Variants in ATRNL1 observed in about 807,000 individuals in gnomAD.
ATRNL1 encodes attractin like 1.
Under a neutral mutation model 182.7 loss-of-function variants are expected in ATRNL1, and 95 were observed. The observed-to-expected ratio is 0.52, with a 90% confidence interval of 0.44 to 0.62. The LOEUF is 0.62. Ranked by LOEUF, ATRNL1 falls within the 20% of genes least tolerant of loss-of-function variation. The pLI, the probability that ATRNL1 is intolerant of heterozygous loss-of-function variation, is 0.00. For synonymous variants in ATRNL1, 576 were observed against 568.3 expected, an observed-to-expected ratio of 1.01 and a Z score of -0.19; for missense variants, 1,471 against 1,679.5, an observed-to-expected ratio of 0.88 and a Z score of 2.17.
chr10:115,321,270 T>G (rs1240317451), intron 18 of ATRNL1, among the ~76,000 whole-genome samples: 3 of 152,164 alleles, frequency 2.0e-5, no homozygotes, highest in Non-Finnish European at 4.4e-5. Flanking sequence ...TGCCTGCGCC[T>G]TCTTCTGGGA....
At chr10:115,856,428 C>CAAAAAAAAATAAAAAAAAAA (rs1951184268) in intron 28 of ATRNL1, among the ~76,000 whole-genome samples, 1 of 22,536 alleles carries the variant, frequency 4.4e-5, no homozygotes, top group Non-Finnish European at 8.2e-5. Context: ...AGCTCCATCT[C>CAAAAAAAAATAAAAAAAAAA]AAAAAAAAAA....
At chr10:115,270,651 G>A (rs568994493) in intron 13 of ATRNL1, among the ~76,000 whole-genome samples, 2 of 152,012 alleles carry the variant, frequency 1.3e-5, no homozygotes, top group South Asian at 4.1e-4. Flanking sequence ...AAGGCAGAGA[G>A]AGGAAATTCT....
At chr10:115,389,158 G>A (rs923643008) in intron 19 of ATRNL1, among the ~76,000 whole-genome samples, 4 of 151,982 alleles carry the variant, frequency 2.6e-5, no homozygotes, top group African/African-American at 9.7e-5. Context: ...AGATCATGTA[G>A]TAGTTGTCTT....
At chr10:115,160,265 C>A in intron 6 of ATRNL1, 51 bp downstream of exon 6, 5 of 1,480,576 alleles carry the variant, frequency 3.4e-6, no homozygotes, top group South Asian at 1.3e-5. Flanking sequence ...GATTTTTATC[C>A]AAAATGTCTT....
chr10:115,300,272 T>A, intron 16 of ATRNL1, 25 bp downstream of exon 16: 1 of 1,579,424 alleles, frequency 6.3e-7, no homozygotes, highest in Non-Finnish European at 8.7e-7. Context: ...AAATTAGCAT[T>A]CCTTTAAAAG....
rs556442327 is a variant in ATRNL1 at position 115,368,156 on chromosome 10, G to T, written c.3176-26503G>T. ...CTGCCTTACAGTTTGATCTCAGACT[G>T]CTGTGCTAGCAATCAGCGAGACTCC... On this transcript the variant is annotated intron_variant, in intron 19 of 28. Transcript: ENST00000355044. Among the ~76,000 whole-genome samples the T allele has an allele frequency of 2.6e-5, 4 of 152,300 alleles. No individual in the cohort carries two copies. The East Asian group carries it at 7.7e-4, about 29-fold the overall frequency.
intron 28 of ATRNL1, among the ~76,000 whole-genome samples, chr10:115,858,561 G>A (rs1463617938): frequency 1.3e-5 from 2 of 152,154 alleles, no homozygotes; most frequent in African/African-American, 4.8e-5. Context: ...GTTGTGGAGA[G>A]AGCATTAGGA....
intron 18 of ATRNL1, among the ~76,000 whole-genome samples, chr10:115,319,797 G>A (rs1207525943): frequency 6.6e-6 from 1 of 151,522 alleles, no homozygotes; most frequent in Non-Finnish European, 1.5e-5. Flanking sequence ...TTGCCTATGA[G>A]ATGGGTCTCC....
intron 24 of ATRNL1, among the ~76,000 whole-genome samples, chr10:115,491,352 T>G (rs1162996751): frequency 2.0e-5 from 3 of 152,122 alleles, no homozygotes; most frequent in Non-Finnish European, 2.9e-5. Context: ...CAGCTGCCCC[T>G]TCCTGCAGGT....
chr10:115,426,037 A>G (rs1592639821), intron 20 of ATRNL1, among the ~76,000 whole-genome samples: 1 of 151,972 alleles, frequency 6.6e-6, no homozygotes, highest in South Asian at 2.1e-4. Context: ...TTTCTTCACT[A>G]TTTCATCTCT....
intron 28 of ATRNL1, among the ~76,000 whole-genome samples, chr10:115,897,595 A>T (rs577107779): frequency 6.6e-6 from 1 of 152,286 alleles, no homozygotes; most frequent in South Asian, 2.1e-4. Context: ...GAGTGATGGG[A>T]TCATAGAGAA....
intron 20 of ATRNL1, among the ~76,000 whole-genome samples, chr10:115,398,709 C>T (rs1167736520): frequency 6.6e-6 from 1 of 152,000 alleles, no homozygotes; most frequent in Non-Finnish European, 1.5e-5. Flanking sequence ...TTTCTTTTGC[C>T]TGACTGCCCT....
chr10:115,324,713 T>G (rs1854779523), intron 18 of ATRNL1, among the ~76,000 whole-genome samples: 1 of 152,212 alleles, frequency 6.6e-6, no homozygotes, highest in African/African-American at 2.4e-5. Flanking sequence ...TTAATACCTT[T>G]TTCATAGATA....
In ATRNL1 at chr10:115,542,971, T is replaced by C. The variant is rs914685826; in HGVS notation, c.3717-6487T>C. On this transcript the variant is annotated intron_variant, in intron 25 of 28. Transcript: ENST00000355044. The stretch of plus-strand genomic sequence containing the variant: ...AGATCAGAATCCCATGTTTATAAAC[T>C]TCATTTAAACCTAATTATGTCCTAA... Among the ~76,000 whole-genome samples the C allele has an allele frequency of 1.2e-4, 19 of 152,302 alleles. No individual in the cohort carries two copies. The East Asian group carries it at 1.4e-3, about 11-fold the overall frequency.
In ATRNL1 at chr10:115,386,959, C is replaced by G. The variant is rs529580673; in HGVS notation, c.3176-7700C>G. Among the ~76,000 whole-genome samples the G allele has an allele frequency of 2.0e-5, 3 of 151,862 alleles. No individual in the cohort carries two copies. In the South Asian group the frequency reaches 6.3e-4, roughly 32 times the overall value. On this transcript the variant is annotated intron_variant, in intron 19 of 28. Coordinates refer to ENST00000355044, the MANE Select transcript of ATRNL1 (RefSeq NM_207303.4). ...TATAAATCATGCTGCTATAAAGACA[C>G]ATGCACACGTATGTTTATTGCGGCA...
At chr10:115,704,978 C>G (rs1555052659) in intron 26 of ATRNL1, among the ~76,000 whole-genome samples, 1 of 151,798 alleles carries the variant, frequency 6.6e-6, no homozygotes, top group Non-Finnish European at 1.5e-5. Flanking sequence ...CCCGGCCCCA[C>G]TCTCCAGTCA....
At chr10:115,835,048 A>G (rs1171659273) in intron 27 of ATRNL1, among the ~76,000 whole-genome samples, 3 of 152,180 alleles carry the variant, frequency 2.0e-5, no homozygotes, top group East Asian at 3.9e-4. Context: ...TACATGCTCA[A>G]TTAATAATAG....
intron 25 of ATRNL1, among the ~76,000 whole-genome samples, chr10:115,541,974 T>A (rs1554992136): frequency 1.3e-5 from 2 of 152,170 alleles, no homozygotes; most frequent in Non-Finnish European, 1.5e-5. Flanking sequence ...ATAATTAAAA[T>A]TTTTGTCCTA....
intron 1 of ATRNL1, among the ~76,000 whole-genome samples, chr10:115,110,175 G>T (rs1242879830): frequency 6.6e-6 from 1 of 152,090 alleles, no homozygotes; most frequent in Non-Finnish European, 1.5e-5. Context: ...CTTTAAGATG[G>T]CCCTTTTGAC....
Sources: gnomAD v4.1 joint callset for allele counts (sites outside exome capture counted in the v4.1 genomes callset) on GRCh38, gnomAD v4.1.1 for gene constraint, MANE v1.5 for transcripts, NCBI Gene and HGNC (gene_info 2026-07-23, HGNC 2026-07-21) for gene names.